USP3: variants seen among roughly 807,000 people sequenced by gnomAD.
USP3 encodes ubiquitin specific peptidase 3, also known as ubiquitin carboxyl-terminal hydrolase 3.
USP3 carries 20 observed loss-of-function variants against 72.3 expected under a neutral mutation model. The observed-to-expected ratio is 0.28, with a 90% CI of 0.19 to 0.40. USP3 has a LOEUF of 0.40. Ranked by LOEUF, USP3 falls within the 10% of genes least tolerant of loss-of-function variation. The probability of loss-of-function intolerance (pLI) is 1.00; values close to 1 mark genes in which losing one functional copy is unlikely to be tolerated. For missense variants in USP3, 479 were observed against 633.9 expected (o/e 0.76, Z 2.62); for synonymous variants, 222 against 225.3 (o/e 0.99, Z 0.13).
chr15:63,568,665 C>T (rs377451046), intron 8 of USP3, among the ~76,000 whole-genome samples: 30 of 152,202 alleles, frequency 2.0e-4, no homozygotes, highest in East Asian at 1.7e-3. Flanking sequence ...ATTTAATATG[C>T]TAAATAAAAT....
rs142776900 is a variant in USP3, at chr15:63,518,801, C to T, written c.92-13846C>T. On this transcript the variant is annotated intron_variant, in intron 1 of 14. Transcript: ENST00000380324. ...TTTTTTTTGGGACGGAGTCTTGCTC[C>T]GTTGCCCAGGCTGGAGTGCAGTGGC... 1.3e-3 allele frequency among the ~76,000 whole-genome samples: 198 copies of T among 151,956 alleles called. 2 individuals are homozygous for T. The highest frequency in any genetic ancestry group is 4.5e-3 in the African/African-American group (186 of 41,450).
chr15:63,552,510 G>A (rs2066451366), intron 3 of USP3, among the ~76,000 whole-genome samples: 1 of 152,196 alleles, frequency 6.6e-6, no homozygotes, highest in South Asian at 2.1e-4. Flanking sequence ...TTGTGGAAAT[G>A]TTGGGAATTG....
chr15:63,509,405 G>A (rs2065754098), intron 1 of USP3, among the ~76,000 whole-genome samples: 2 of 152,178 alleles, frequency 1.3e-5, no homozygotes, highest in African/African-American at 2.4e-5. Flanking sequence ...TCACTAGCCC[G>A]CACTCCCAGT....
intron 2 of USP3, among the ~76,000 whole-genome samples, chr15:63,536,588 A>G (rs752815489): frequency 5.9e-5 from 9 of 152,132 alleles, no homozygotes; most frequent in Non-Finnish European, 1.3e-4. Context: ...AAAGTTGACT[A>G]TAGTATTTGG....
intron 1 of USP3, among the ~76,000 whole-genome samples, chr15:63,512,311 TTCTTCTTCC>T (rs1567088986): frequency 4.0e-4 from 57 of 141,064 alleles, no homozygotes; most frequent in South Asian, 1.9e-3. Context: ...CCTCCTCTTC[TTCTTCTTCC>T]TCTTCTTCCT....
At chr15:63,533,893 C>G in intron 2 of USP3, 1 of 1,187,174 alleles carries the variant, frequency 8.4e-7, no homozygotes, top group Non-Finnish European at 1.1e-6. Context: ...GTTGAAGAGA[C>G]AGATTCCTCT....
intron 11 of USP3, among the ~76,000 whole-genome samples, chr15:63,581,329 ATGTT>A (rs916559794): frequency 2.7e-5 from 4 of 146,300 alleles, no homozygotes; most frequent in Non-Finnish European, 4.5e-5. Flanking sequence ...GTTTATATGT[ATGTT>A]TGTGTTGGTT....
intron 7 of USP3, among the ~76,000 whole-genome samples, chr15:63,561,876 T>C (rs960774451): frequency 3.2e-4 from 48 of 152,224 alleles, no homozygotes; most frequent in African/African-American, 1.1e-3. Flanking sequence ...TCCGAAAATA[T>C]GGTGCTTATG....
At chr15:63,514,636 T>C (rs972024361) in intron 1 of USP3, among the ~76,000 whole-genome samples, 1 of 152,194 alleles carries the variant, frequency 6.6e-6, no homozygotes, top group Non-Finnish European at 1.5e-5. Flanking sequence ...ACAATGCAGA[T>C]ATTAAGCCTA....
chr15:63,588,096 C>A lies in USP3; in HGVS notation c.1097-209C>A. 1 of 406,118 alleles carries A rather than the reference C, an allele frequency of 2.5e-6. No homozygotes were observed. Among genetic ancestry groups the A allele is most frequent in the Non-Finnish European group, 4.4e-6 (1 of 228,862 alleles). 25.2% of individuals were successfully genotyped at this position (406,118 alleles called of 1,614,324 possible). ...CATCACCAGATGTCAGGCATGATGC[C>A]AGGTGCTCTACACATTATTTCTCTT... On this transcript the variant is annotated intron_variant, in intron 11 of 14. Transcript: ENST00000380324. The surrounding 1 kb of genome is among the most constrained non-coding windows in gnomAD (Gnocchi z 4.6).
chr15:63,570,071 C>T lies in USP3; in HGVS notation c.762-362C>T, dbSNP rs2066754982. Among the ~76,000 whole-genome samples the T allele has an allele frequency of 6.6e-6, 1 of 152,108 alleles. No individual in the cohort carries two copies. Among genetic ancestry groups the T allele is most frequent in the African/African-American group, 2.4e-5 (1 of 41,402 alleles). ...AGGTTATGTGGGCAGGGAGAAGAGT[C>T]AGAGTCCACCAGGAAACAAAGGTGT... On this transcript the variant is annotated intron_variant, in intron 8 of 14. Transcript: ENST00000380324. This position sits in a 1 kb window ranked among gnomAD's most constrained non-coding sequence, Gnocchi z 4.4.
chr15:63,548,233 G>C (rs144224578), intron 3 of USP3, among the ~76,000 whole-genome samples: 1,784 of 144,138 alleles, frequency 0.012, 32 homozygotes, highest in African/African-American at 0.043. Context: ...GAGTTCAAGT[G>C]ATCTTCCCAC....
chr15:63,537,269 A>G, intron 3 of USP3, 113 bp downstream of exon 3: 2 of 1,248,484 alleles, frequency 1.6e-6, no homozygotes, highest in East Asian at 2.7e-5. Context: ...TCCTTTTACA[A>G]CTGTTAGGAT....
At chr15:63,565,537 C>T (rs1017751051) in intron 8 of USP3, among the ~76,000 whole-genome samples, 6 of 152,148 alleles carry the variant, frequency 3.9e-5, no homozygotes, top group Non-Finnish European at 7.4e-5. Context: ...ATGTTTTATT[C>T]TGTTCCCTAG....
rs2067241916 is a variant in USP3 at position 63,593,556 on chromosome 15, TTGG to T, written c.*2731_*2733del. ...AGTGGTCTTCAGACAGGTGATGCTG[TTGG>T]CTTAAGAGATGAACACGTCTTCTCT... is the stretch of plus-strand genomic sequence containing the variant. On this transcript the variant is annotated 3_prime_UTR_variant, in exon 15 of 15. Transcript: ENST00000380324. 6.6e-6 allele frequency: 1 copy of T among 152,240 alleles called. No homozygotes were observed. Among genetic ancestry groups the T allele is most frequent in the African/African-American group, 2.4e-5 (1 of 41,452 alleles). 9.4% of individuals were successfully genotyped at this position (152,240 alleles called of 1,614,324 possible).
At chr15:63,565,523 G>A (rs1481939643) in intron 8 of USP3, among the ~76,000 whole-genome samples, 2 of 152,328 alleles carry the variant, frequency 1.3e-5, no homozygotes, top group South Asian at 2.1e-4. Context: ...AGAATATGCA[G>A]TGAATGTTTT....
intron 8 of USP3, among the ~76,000 whole-genome samples, chr15:63,564,865 C>T (rs2066662525): frequency 1.3e-5 from 2 of 152,160 alleles, no homozygotes. Context: ...TTGGTCAGAT[C>T]TAGATCTTGA....
In USP3 at chr15:63,593,326, C is replaced by G. The variant is rs573520112; in HGVS notation, c.*2500C>G. On this transcript the variant is annotated 3_prime_UTR_variant, in exon 15 of 15. Coordinates refer to ENST00000380324, the MANE Select transcript of USP3 (RefSeq NM_006537.4). The stretch of plus-strand genomic sequence containing the variant: ...ACCTGAAATGTGAGTCTCCTTTGAT[C>G]TTGCAAAGTATCTCCTATGAATCCG... 1 of 152,226 alleles carries G rather than the reference C, an allele frequency of 6.6e-6. No homozygotes were observed. Among genetic ancestry groups the G allele is most frequent in the Non-Finnish European group, 1.5e-5 (1 of 68,040 alleles). 9.4% of individuals were successfully genotyped at this position (152,226 alleles called of 1,614,324 possible).
intron 3 of USP3, chr15:63,542,099 C>T (rs1181107284): frequency 3.0e-6 from 3 of 984,868 alleles, no homozygotes; most frequent in Admixed American, 6.2e-5. Flanking sequence ...CTTAGTTCTT[C>T]AAGGACATGA....
Sources: gnomAD v4.1 joint callset for allele counts (sites outside exome capture counted in the v4.1 genomes callset) on GRCh38, gnomAD v4.1.1 for gene constraint, Gnocchi (gnomAD v3.1) non-coding constraint, MANE v1.5 for transcripts, NCBI Gene and HGNC (gene_info 2026-07-23, HGNC 2026-07-21) for gene names.